The following SLC38A9 variants were observed in gnomAD, a reference collection of about 807,000 sequenced individuals.
SLC38A9 encodes the protein neutral amino acid transporter 9.
In SLC38A9, 48 loss-of-function variants were observed where a neutral mutation model predicts 62.3. That is an observed-to-expected ratio of 0.77 (90% CI 0.61 to 0.98). SLC38A9 has a LOEUF of 0.98. Among genes scored for constraint, SLC38A9 ranks in the 50% least tolerant of loss-of-function variants. The pLI is 0.00. For missense variants in SLC38A9, 541 were observed against 679.8 expected, an observed-to-expected ratio of 0.80 and a Z score of 2.27; for synonymous variants, 204 against 227.7, an observed-to-expected ratio of 0.90 and a Z score of 0.94.
chr5:55,681,362 G>A (rs953701080), intron 3 of SLC38A9, among the ~76,000 whole-genome samples: 2 of 152,170 alleles, frequency 1.3e-5, no homozygotes, highest in African/African-American at 4.8e-5. Flanking sequence ...AAGAGTGCTT[G>A]TAAAACAAAT....
In SLC38A9 at chr5:55,675,891, T is replaced by C. The variant is rs574171679; in HGVS notation, c.114-3196A>G. ...CTGTCTCCACCCTCCTACTGACCAG[T>C]TATGCTTCTCTGAAATTTAATAACA... On this transcript the variant is annotated intron_variant, in intron 3 of 15. Coordinates refer to ENST00000396865, the MANE Select transcript of SLC38A9 (RefSeq NM_173514.4). Among the ~76,000 whole-genome samples the C allele has an allele frequency of 2.6e-5, 4 of 152,270 alleles. No homozygotes were observed. In the South Asian group the frequency reaches 6.2e-4, roughly 24 times the overall value.
chr5:55,677,922 TTTATTG>T (rs1451872673), intron 3 of SLC38A9, among the ~76,000 whole-genome samples: 2 of 25,672 alleles, frequency 7.8e-5, no homozygotes, highest in Admixed American at 9.2e-4. Context: ...TTTTTTTTTC[TTTATTG>T]TGTGTGTGTG....
intron 14 of SLC38A9, among the ~76,000 whole-genome samples, chr5:55,630,277 C>A (rs1007788384): frequency 6.6e-6 from 1 of 152,080 alleles, no homozygotes; most frequent in Admixed American, 6.6e-5. Flanking sequence ...AAACAAACAT[C>A]AGAGTTTTGC....
At chr5:55,659,395 A>T (rs56150086) in intron 8 of SLC38A9, among the ~76,000 whole-genome samples, 74,755 of 129,918 alleles carry the variant, frequency 0.58, 22,727 homozygotes, top group South Asian at 0.69. Context: ...TTTTTATTTT[A>T]TTTTGATTTG....
intron 3 of SLC38A9, among the ~76,000 whole-genome samples, chr5:55,684,676 T>TA (rs1753499853): frequency 6.6e-6 from 1 of 152,172 alleles, no homozygotes; most frequent in Non-Finnish European, 1.5e-5. Context: ...TTTTCTGAGA[T>TA]GGAGTCTCAC....
intron 2 of SLC38A9, among the ~76,000 whole-genome samples, chr5:55,710,767 C>T (rs1757918944): frequency 6.6e-6 from 1 of 151,864 alleles, no homozygotes; most frequent in Admixed American, 6.6e-5. Context: ...AGGCATGTGC[C>T]ACCACACCTG....
intron 2 of SLC38A9, among the ~76,000 whole-genome samples, chr5:55,698,708 C>T (rs1046923514): frequency 6.6e-6 from 1 of 152,148 alleles, no homozygotes; most frequent in African/African-American, 2.4e-5. Context: ...TGAGGCAGAT[C>T]GCTTGAGGCT....
At chr5:55,639,933 C>T (rs1038214292) in intron 12 of SLC38A9, among the ~76,000 whole-genome samples, 1 of 150,334 alleles carries the variant, frequency 6.7e-6, no homozygotes, top group African/African-American at 2.4e-5. Flanking sequence ...CACTTCATAA[C>T]CCAATTTCAA....
intron 14 of SLC38A9, among the ~76,000 whole-genome samples, chr5:55,631,281 T>G (rs1268356429): frequency 6.6e-6 from 1 of 152,090 alleles, no homozygotes; most frequent in African/African-American, 2.4e-5. Flanking sequence ...CTCCAAAGTA[T>G]GCACACTCTA....
At chr5:55,651,218 A>G (rs1747368556) in intron 10 of SLC38A9, among the ~76,000 whole-genome samples, 1 of 97,850 alleles carries the variant, frequency 1.0e-5, no homozygotes, top group African/African-American at 3.2e-5. Flanking sequence ...GCCAGATCTG[A>G]ACTTTCACTG....
intron 10 of SLC38A9, among the ~76,000 whole-genome samples, chr5:55,651,016 C>A (rs565617685): frequency 6.6e-6 from 1 of 152,138 alleles, no homozygotes; most frequent in Admixed American, 6.6e-5. Context: ...GTCTCGAACT[C>A]CTGACCTCAG....
intron 3 of SLC38A9, among the ~76,000 whole-genome samples, chr5:55,691,793 T>G (rs1332173358): frequency 6.6e-6 from 1 of 152,120 alleles, no homozygotes; most frequent in Non-Finnish European, 1.5e-5. Flanking sequence ...GGAAAACTGG[T>G]GGGGGAGGGG....
At chr5:55,638,727 G>C (rs894326270) in intron 12 of SLC38A9, among the ~76,000 whole-genome samples, 1 of 152,102 alleles carries the variant, frequency 6.6e-6, no homozygotes, top group Admixed American at 6.6e-5. Flanking sequence ...ACTTCTCCTG[G>C]TATATAGCCA....
chr5:55,639,272 T>TAAAAAAAAAAAAA (rs753043231), intron 12 of SLC38A9, among the ~76,000 whole-genome samples: 2 of 54,650 alleles, frequency 3.7e-5, no homozygotes, highest in African/African-American at 6.9e-5. Context: ...AAACTCTGTC[T>TAAAAAAAAAAAAA]AAAAAAAAAA....
In SLC38A9 at chr5:55,656,752, G is replaced by A. The variant is rs1283585988; in HGVS notation, c.720C>T (p.Asp240=). The change falls in exon 9 of 16, where the codon GAC becomes GAT. Residue 240 remains aspartate, a synonymous_variant. Coordinates refer to ENST00000396865, the MANE Select transcript of SLC38A9 (RefSeq NM_173514.4). Reference sequence around the variant, plus strand: ...TATTGGTACTCAGTATAGTGTCTGTGTCATTAATGTGATGAATAAAATCTA... The same window carrying A: ...TATTGGTACTCAGTATAGTGTCTGTATCATTAATGTGATGAATAAAATCTA... ...FIFNFIHHIN[D]TDTILSTNNS... 1.9e-6 allele frequency: 3 copies of A among 1,579,746 alleles called. No homozygotes were observed. Among genetic ancestry groups the A allele is most frequent in the African/African-American group, 1.4e-5 (1 of 73,542 alleles).
chr5:55,649,170 A>T, intron 11 of SLC38A9, 37 bp downstream of exon 11: 1 of 1,182,582 alleles, frequency 8.5e-7, no homozygotes, highest in Non-Finnish European at 1.2e-6. Flanking sequence ...GGTTAAGATC[A>T]CATTATTATA....
At chr5:55,709,209 A>G (rs57019547) in intron 2 of SLC38A9, among the ~76,000 whole-genome samples, 14,889 of 152,202 alleles carry the variant, frequency 0.098, 1,226 homozygotes, top group African/African-American at 0.23. Context: ...GTCTCACAAA[A>G]AAATTACCAA....
At chr5:55,701,114 CAT>C (rs1166625061) in intron 2 of SLC38A9, among the ~76,000 whole-genome samples, 3 of 152,166 alleles carry the variant, frequency 2.0e-5, no homozygotes, top group Middle Eastern at 3.2e-3. Flanking sequence ...TCAAAATCCA[CAT>C]GTGGCCACAT....
chr5:55,692,933 T>C (rs1158540834), intron 3 of SLC38A9: 2 of 980,952 alleles, frequency 2.0e-6, no homozygotes, highest in Admixed American at 1.2e-4. Flanking sequence ...CAATGATAAA[T>C]TTCTCATGTG....
Sources: gnomAD v4.1 joint callset for allele counts (sites outside exome capture counted in the v4.1 genomes callset) on GRCh38, gnomAD v4.1.1 for gene constraint, MANE v1.5 for transcripts, NCBI Gene and HGNC (gene_info 2026-07-23, HGNC 2026-07-21) for gene names.